The following AFG1L variants were observed in gnomAD, a reference collection of about 807,000 sequenced individuals.
AFG1L encodes AFG1-like ATPase.
In AFG1L, 53 loss-of-function variants were observed where a neutral mutation model predicts 62.2. The observed-to-expected ratio is 0.85, with a 90% CI of 0.68 to 1.07. The LOEUF (loss-of-function observed/expected upper bound fraction) is 1.07, where lower values mean the gene tolerates loss of function less well. Among genes scored for constraint, AFG1L ranks in the 50% least tolerant of loss-of-function variants. The pLI is 0.00. For missense variants in AFG1L, 555 were observed against 590.5 expected (o/e 0.94, Z 0.62); for synonymous variants, 228 against 210.3 (o/e 1.08, Z -0.73).
Position 108,451,633 on chromosome 6 carries a change from C to A in AFG1L, c.890+4337C>A, listed in dbSNP as rs372625161. 9.2e-5 allele frequency among the ~76,000 whole-genome samples: 14 copies of A among 152,328 alleles called. 1 individual carries two copies. The East Asian group carries it at 2.7e-3, about 29-fold the overall frequency. On this transcript the variant is annotated intron_variant, in intron 8 of 12. Coordinates refer to ENST00000368977, the MANE Select transcript of AFG1L (RefSeq NM_145315.5). ...CCAAACTTTTGCATAGATTAAAACA[C>A]CCCATGCTTGTCCAGTTTTTTATTC...
chr6:108,316,577 A>T (rs1582577914), intron 1 of AFG1L, among the ~76,000 whole-genome samples: 1 of 136,108 alleles, frequency 7.3e-6, no homozygotes, highest in African/African-American at 2.8e-5. Flanking sequence ...TCTGTTGCCC[A>T]GGCTGGAGTG....
At chr6:108,457,001 T>C (rs1772279127) in intron 8 of AFG1L, among the ~76,000 whole-genome samples, 1 of 152,164 alleles carries the variant, frequency 6.6e-6, no homozygotes, top group Non-Finnish European at 1.5e-5. Context: ...TATACTCTTA[T>C]CATGTCTGTA....
intron 10 of AFG1L, among the ~76,000 whole-genome samples, chr6:108,497,369 T>C (rs1237944159): frequency 6.6e-6 from 1 of 152,220 alleles, no homozygotes; most frequent in East Asian, 1.9e-4. Flanking sequence ...TATTAGCCTC[T>C]TTTACTTACT....
In AFG1L at chr6:108,354,387, C is replaced by G. The variant is rs370974701; in HGVS notation, c.416-1267C>G. Among the ~76,000 whole-genome samples, 10 of 152,120 alleles carry G rather than the reference C, an allele frequency of 6.6e-5. No homozygotes were observed. In the East Asian group the frequency reaches 1.9e-3, roughly 29 times the overall value. ...TGCAGTGGCACGATCTCACTGCAAC[C>G]TCCGCCTCCCAGGTTCAAGCTATTC... On this transcript the variant is annotated intron_variant, in intron 3 of 12. Transcript: ENST00000368977.
intron 5 of AFG1L, among the ~76,000 whole-genome samples, chr6:108,364,632 A>T (rs774997003): frequency 3.1e-4 from 47 of 152,160 alleles, no homozygotes; most frequent in Non-Finnish European, 5.6e-4. Flanking sequence ...TTGCTATTAA[A>T]ATGTGCAAGC....
chr6:108,325,936 C>G (rs1001006304), intron 2 of AFG1L, among the ~76,000 whole-genome samples: 4 of 152,102 alleles, frequency 2.6e-5, no homozygotes, highest in Admixed American at 2.6e-4. Flanking sequence ...GCCACCATGC[C>G]TGGCTAATTT....
intron 7 of AFG1L, among the ~76,000 whole-genome samples, chr6:108,443,087 T>C (rs1196446514): frequency 2.6e-5 from 4 of 152,214 alleles, no homozygotes; most frequent in Non-Finnish European, 5.9e-5. Flanking sequence ...GTAAAATGAC[T>C]GTAAAAGAGG....
chr6:108,498,947 T>C (rs1340556675), intron 10 of AFG1L, among the ~76,000 whole-genome samples: 1 of 152,128 alleles, frequency 6.6e-6, no homozygotes, highest in Non-Finnish European at 1.5e-5. Context: ...GCACTCTAGC[T>C]TGGGTGACAG....
At chr6:108,452,983 G>A (rs973879481) in intron 8 of AFG1L, among the ~76,000 whole-genome samples, 1 of 152,134 alleles carries the variant, frequency 6.6e-6, no homozygotes, top group Non-Finnish European at 1.5e-5. Flanking sequence ...TTAGGGCCTC[G>A]CATTCTTGGC....
intron 1 of AFG1L, among the ~76,000 whole-genome samples, chr6:108,298,755 G>T (rs1776865530): frequency 6.6e-6 from 1 of 152,128 alleles, no homozygotes; most frequent in Non-Finnish European, 1.5e-5. Context: ...GAATAGAAGT[G>T]ATCAGATCTA....
At position 108,523,249 on chromosome 6, in the gene AFG1L, CCAGTGGACAG is replaced by C. The variant is rs1775195177; in HGVS notation, c.*828_*837del. 4 of 152,244 alleles carry C rather than the reference CCAGTGGACAG, an allele frequency of 2.6e-5. No individual in the cohort carries two copies. The highest frequency in any genetic ancestry group is 7.2e-5 in the African/African-American group (3 of 41,432). The allele number at this position is 152,244 out of a possible 1,614,324, so 9.4% of individuals were successfully genotyped here. On this transcript the variant is annotated 3_prime_UTR_variant, in exon 13 of 13. Transcript: ENST00000368977. ...CCGCTCACATGAGGCCAGCCGTACC[CCAGTGGACAG>C]CAGGCTCCTTCTCACTGTTGTAGAC...
At chr6:108,518,885 G>C (rs759212926) in intron 11 of AFG1L, among the ~76,000 whole-genome samples, 8 of 152,236 alleles carry the variant, frequency 5.3e-5, no homozygotes, top group Non-Finnish European at 7.3e-5. Context: ...TTAGCAGTCT[G>C]CTGTGCAGCA....
intron 8 of AFG1L, among the ~76,000 whole-genome samples, chr6:108,452,669 A>G (rs2114762954): frequency 6.6e-6 from 1 of 152,324 alleles, no homozygotes; most frequent in East Asian, 1.9e-4. Flanking sequence ...GACAGAAGAC[A>G]ACAGAGACCT....
At chr6:108,441,711 AAAT>A (rs1157782561) in intron 7 of AFG1L, among the ~76,000 whole-genome samples, 5 of 134,056 alleles carry the variant, frequency 3.7e-5, no homozygotes, top group African/African-American at 1.7e-4. Context: ...TAAAAAAAAA[AAAT>A]ATATATATAT....
chr6:108,388,832 G>A (rs1780901159), intron 6 of AFG1L, among the ~76,000 whole-genome samples: 1 of 151,930 alleles, frequency 6.6e-6, no homozygotes, highest in African/African-American at 2.4e-5. Flanking sequence ...GTGGTGTGGT[G>A]CTGAAAAAAA....
chr6:108,411,874 C>A (rs1301366551), intron 7 of AFG1L, among the ~76,000 whole-genome samples: 1 of 152,208 alleles, frequency 6.6e-6, no homozygotes. Flanking sequence ...GAACGCAGCT[C>A]CTCGCCAGCA....
intron 11 of AFG1L, among the ~76,000 whole-genome samples, chr6:108,515,987 T>C (rs1348351372): frequency 6.6e-6 from 1 of 152,072 alleles, no homozygotes; most frequent in Non-Finnish European, 1.5e-5. Flanking sequence ...AATAACAGGC[T>C]CTGAAATTGA....
intron 6 of AFG1L, among the ~76,000 whole-genome samples, chr6:108,400,674 T>TTA (rs1292919497): frequency 9.8e-6 from 1 of 102,464 alleles, no homozygotes; most frequent in African/African-American, 3.8e-5. Context: ...AATTTATATA[T>TTA]TATATATTAT....
intron 5 of AFG1L, chr6:108,359,380 G>A (rs1321011830): frequency 1.3e-5 from 2 of 152,232 alleles, no homozygotes; most frequent in Non-Finnish European, 2.9e-5. Context: ...GGATTTTTCA[G>A]ATTACATGTT....
Sources: allele counts gnomAD v4.1 joint callset (sites outside exome capture counted in the v4.1 genomes callset), GRCh38; gene constraint gnomAD v4.1.1; transcripts MANE v1.5; gene names NCBI Gene and HGNC (gene_info 2026-07-23, HGNC 2026-07-21).